Variants in RNF182 observed in about 807,000 individuals in gnomAD.
RNF182 encodes E3 ubiquitin-protein ligase RNF182.
In RNF182, 15 loss-of-function variants were observed where a neutral mutation model predicts 14.4. The ratio of observed to expected loss-of-function variants is 1.04; its 90% CI spans 0.70 to 1.60. RNF182 has a LOEUF of 1.60. Ranked by LOEUF, RNF182 falls within the 40% of genes most tolerant of loss-of-function variation. RNF182 has a pLI of 0.00. For missense variants in RNF182, 268 were observed against 294.8 expected (o/e 0.91, Z 0.67); for synonymous variants, 128 against 122.9 (o/e 1.04, Z -0.27).
chr6:13,967,852 G>A (rs1760074366), intron 1 of RNF182, among the ~76,000 whole-genome samples: 1 of 152,090 alleles, frequency 6.6e-6, no homozygotes, highest in Non-Finnish European at 1.5e-5. Context: ...GAGCCACCAT[G>A]CCTGGCCCTG....
In RNF182 at chr6:13,948,380, C is replaced by T. The variant is rs543231299; in HGVS notation, c.-367+23357C>T. On this transcript the variant is annotated intron_variant, in intron 1 of 2. Transcript: ENST00000488300. ...GACAAGGAAATTTGGCCCCTTGTGG[C>T]ACACAATAATTTAAGATAACAATTA... Among the ~76,000 whole-genome samples the T allele has an allele frequency of 2.6e-5, 4 of 152,238 alleles. No homozygotes were observed. In the South Asian group the frequency reaches 8.3e-4, roughly 32 times the overall value.
At chr6:13,934,553 A>G (rs534706436) in intron 1 of RNF182, among the ~76,000 whole-genome samples, 5 of 152,310 alleles carry the variant, frequency 3.3e-5, no homozygotes, top group Admixed American at 3.3e-4. Flanking sequence ...AACAGTTGTA[A>G]TAGTTCCAAA....
At chr6:13,927,865 A>G (rs1164895226) in intron 1 of RNF182, among the ~76,000 whole-genome samples, 1 of 152,246 alleles carries the variant, frequency 6.6e-6, no homozygotes, top group Non-Finnish European at 1.5e-5. Context: ...TTTCTTCATT[A>G]CCAAAACACT....
chr6:13,960,975 C>G (rs1226726224), intron 1 of RNF182, among the ~76,000 whole-genome samples: 1 of 152,088 alleles, frequency 6.6e-6, no homozygotes, highest in Non-Finnish European at 1.5e-5. Context: ...TAATCATGAT[C>G]TTAAATTATA....
intron 1 of RNF182, among the ~76,000 whole-genome samples, chr6:13,960,696 C>T (rs1482111899): frequency 5.6e-5 from 7 of 126,070 alleles, no homozygotes; most frequent in South Asian, 2.6e-4. Context: ...TGTGTGTGCG[C>T]GCGTGCACAT....
At chr6:13,927,836 G>A (rs1422651039) in intron 1 of RNF182, among the ~76,000 whole-genome samples, 1 of 152,240 alleles carries the variant, frequency 6.6e-6, no homozygotes. Flanking sequence ...ATTTGTGAAG[G>A]ATGGTAGTTT....
At position 13,934,507 on chromosome 6, in the gene RNF182, G is replaced by A. The variant is rs112337839; in HGVS notation, c.-367+9484G>A. ...TCTATACCTTCGCCTATTTTTCTGA[G>A]TGACTTCTCCAACAATGTTTTTTTG... is the stretch of plus-strand genomic sequence containing the variant. On this transcript the variant is annotated intron_variant, in intron 1 of 2. Transcript: ENST00000488300. Among the ~76,000 whole-genome samples the A allele has an allele frequency of 5.6e-3, 851 of 152,304 alleles. 6 individuals are homozygous for A. Among genetic ancestry groups the A allele is most frequent in the Non-Finnish European group, 8.1e-3 (551 of 68,036 alleles).
At chr6:13,943,939 C>G (rs1244548128) in intron 1 of RNF182, among the ~76,000 whole-genome samples, 1 of 152,166 alleles carries the variant, frequency 6.6e-6, no homozygotes, top group Non-Finnish European at 1.5e-5. Context: ...GGAGGAGAAA[C>G]AAACTTCTTG....
intron 1 of RNF182, among the ~76,000 whole-genome samples, chr6:13,950,722 C>T (rs1412184940): frequency 6.6e-6 from 1 of 151,814 alleles, no homozygotes; most frequent in Non-Finnish European, 1.5e-5. Context: ...GTCTTGAACT[C>T]CTGATCTCAG....
intron 1 of RNF182, among the ~76,000 whole-genome samples, chr6:13,940,566 CT>C (rs995584815): frequency 3.1e-4 from 47 of 151,718 alleles, no homozygotes; most frequent in Middle Eastern, 6.8e-3. Flanking sequence ...CTTATTTTGA[CT>C]TTTTTTTGCT....
At chr6:13,954,802 AT>A (rs1452665172) in intron 1 of RNF182, among the ~76,000 whole-genome samples, 1 of 152,082 alleles carries the variant, frequency 6.6e-6, no homozygotes, top group Non-Finnish European at 1.5e-5. Flanking sequence ...ACTTTAATTC[AT>A]TTTTCTGTCC....
chr6:13,938,375 A>G (rs280149), intron 1 of RNF182, among the ~76,000 whole-genome samples: 116,557 of 151,850 alleles, frequency 0.77, 44,997 homozygotes, highest in Admixed American at 0.82. Context: ...TCCTTTGTGC[A>G]ATGTATGTGT....
At chr6:13,960,539 T>C (rs1287396079) in intron 1 of RNF182, among the ~76,000 whole-genome samples, 1 of 152,218 alleles carries the variant, frequency 6.6e-6, no homozygotes, top group Non-Finnish European at 1.5e-5. Flanking sequence ...AAGTGAATTC[T>C]ATAGCAGTTG....
At position 13,978,672 on chromosome 6, in the gene RNF182, A is replaced by C. The variant is rs968802492; in HGVS notation, c.*809A>C. On this transcript the variant is annotated 3_prime_UTR_variant, in exon 3 of 3. Coordinates refer to ENST00000488300, the MANE Select transcript of RNF182 (RefSeq NM_152737.4). ...TTTGAGTCTTTCCTTATAACATCTTAGTTTTGGTTTTTTTAAACCACATTG... is the reference window on the plus strand; with the variant it reads ...TTTGAGTCTTTCCTTATAACATCTTCGTTTTGGTTTTTTTAAACCACATTG... The C allele has an allele frequency of 1.8e-5, 3 of 167,034 alleles. No individual in the cohort carries two copies. The highest frequency in any genetic ancestry group is 7.2e-5 in the African/African-American group (3 of 41,442). The allele number at this position is 167,034 out of a possible 1,614,324, so 10.3% of individuals were successfully genotyped here.
intron 1 of RNF182, among the ~76,000 whole-genome samples, chr6:13,949,946 G>T (rs1193957564): frequency 6.6e-6 from 1 of 152,114 alleles, no homozygotes; most frequent in Non-Finnish European, 1.5e-5. Flanking sequence ...TTCACACACA[G>T]AATTTCTTTT....
chr6:13,941,271 T>G (rs1387423686), intron 1 of RNF182, among the ~76,000 whole-genome samples: 1 of 152,136 alleles, frequency 6.6e-6, no homozygotes, highest in East Asian at 1.9e-4. Context: ...ATAATTGTTA[T>G]AATTCCTTGG....
rs116517752 is a variant in RNF182, at chr6:13,969,719, A to G, written c.-366-4491A>G. Among the ~76,000 whole-genome samples the G allele has an allele frequency of 6.7e-3, 1,019 of 152,292 alleles. 10 individuals carry two copies. The highest frequency in any genetic ancestry group is 0.024 in the African/African-American group (980 of 41,548). On this transcript the variant is annotated intron_variant, in intron 1 of 2. Coordinates refer to ENST00000488300, the MANE Select transcript of RNF182 (RefSeq NM_152737.4). ...GGCTGTGAAAACAATCATTTGCCCA[A>G]TAGTCCAGGAGCTCAAGCTAATTTA...
At chr6:13,953,406 T>C (rs1759644502) in intron 1 of RNF182, among the ~76,000 whole-genome samples, 1 of 152,086 alleles carries the variant, frequency 6.6e-6, no homozygotes, top group African/African-American at 2.4e-5. Context: ...AGAGGGGTGG[T>C]GGCAGTTGTT....
intron 1 of RNF182, among the ~76,000 whole-genome samples, chr6:13,970,933 C>T (rs1760158070): frequency 6.6e-6 from 1 of 152,056 alleles, no homozygotes; most frequent in Non-Finnish European, 1.5e-5. Context: ...TTTTCTATTT[C>T]CTTTCCTTTC....
Sources: gnomAD v4.1 joint callset for allele counts (sites outside exome capture counted in the v4.1 genomes callset) on GRCh38, gnomAD v4.1.1 for gene constraint, MANE v1.5 for transcripts, NCBI Gene and HGNC (gene_info 2026-07-23, HGNC 2026-07-21) for gene names.